The following ADCY2 variants were observed in gnomAD, a reference collection of about 807,000 sequenced individuals.
ADCY2 encodes the protein adenylate cyclase type 2.
In ADCY2, 31 loss-of-function variants were observed where a neutral mutation model predicts 125.2. That is an observed-to-expected ratio of 0.25 (90% confidence interval 0.19 to 0.33). The LOEUF (loss-of-function observed/expected upper bound fraction) is 0.33, where lower values mean the gene tolerates loss of function less well. ADCY2 is among the 10% of genes least tolerant of loss of function. The probability of loss-of-function intolerance (pLI) is 1.00; values close to 1 mark genes in which losing one functional copy is unlikely to be tolerated. For missense variants in ADCY2, 904 were observed against 1,418.2 expected (o/e 0.64, Z 5.82); for synonymous variants, 512 against 548.4 (o/e 0.93, Z 0.93).
chr5:7,790,719 T>C (rs1233555275), intron 20 of ADCY2, among the ~76,000 whole-genome samples: 1 of 152,186 alleles, frequency 6.6e-6, no homozygotes, highest in African/African-American at 2.4e-5. Flanking sequence ...ACACTAGGAT[T>C]CCTGGCCTGT....
chr5:7,435,934 T>C (rs1403913827), intron 2 of ADCY2, among the ~76,000 whole-genome samples: 1 of 152,182 alleles, frequency 6.6e-6, no homozygotes, highest in Non-Finnish European at 1.5e-5. Flanking sequence ...TTAGAAGCCT[T>C]CAGAAACCTC....
chr5:7,634,045 C>T (rs1738409541), intron 4 of ADCY2, among the ~76,000 whole-genome samples: 1 of 152,198 alleles, frequency 6.6e-6, no homozygotes, highest in Non-Finnish European at 1.5e-5. Flanking sequence ...AAACAAAACT[C>T]AAGTCTTCTG....
At chr5:7,431,269 A>G (rs1450952756) in intron 2 of ADCY2, among the ~76,000 whole-genome samples, 1 of 152,238 alleles carries the variant, frequency 6.6e-6, no homozygotes, top group African/African-American at 2.4e-5. Context: ...ATTTTTGACA[A>G]TGTTCTAAGC....
intron 2 of ADCY2, among the ~76,000 whole-genome samples, chr5:7,440,743 A>C (rs1479949586): frequency 2.0e-5 from 3 of 152,234 alleles, no homozygotes; most frequent in Admixed American, 1.3e-4. Flanking sequence ...ATGATTTTCA[A>C]AATGTCAAAA....
intron 4 of ADCY2, among the ~76,000 whole-genome samples, chr5:7,636,160 C>G (rs1165039502): frequency 6.6e-6 from 1 of 152,146 alleles, no homozygotes; most frequent in East Asian, 1.9e-4. Flanking sequence ...TCATCAGAAC[C>G]CATGAAATAA....
intron 2 of ADCY2, among the ~76,000 whole-genome samples, chr5:7,420,308 A>G (rs1740144618): frequency 6.6e-6 from 1 of 152,126 alleles, no homozygotes; most frequent in East Asian, 1.9e-4. Context: ...AACTGTATGA[A>G]GTTGCCACGG....
At chr5:7,664,538 A>G (rs961427469) in intron 4 of ADCY2, among the ~76,000 whole-genome samples, 4 of 152,206 alleles carry the variant, frequency 2.6e-5, no homozygotes, top group Non-Finnish European at 2.9e-5. Flanking sequence ...CATGCCCTAC[A>G]AACCATACAT....
chr5:7,498,132 A>G (rs1743404708), intron 2 of ADCY2, among the ~76,000 whole-genome samples: 1 of 152,114 alleles, frequency 6.6e-6, no homozygotes, highest in African/African-American at 2.4e-5. Flanking sequence ...GTGGGAGAAC[A>G]GTATATGTAA....
At chr5:7,457,145 G>A (rs934100285) in intron 2 of ADCY2, among the ~76,000 whole-genome samples, 4 of 152,174 alleles carry the variant, frequency 2.6e-5, no homozygotes, top group Non-Finnish European at 4.4e-5. Context: ...ATTTTTTACA[G>A]AATGTCCCTA....
intron 3 of ADCY2, among the ~76,000 whole-genome samples, chr5:7,538,669 C>G (rs989621713): frequency 1.1e-4 from 17 of 152,022 alleles, no homozygotes; most frequent in African/African-American, 4.1e-4. Context: ...TTTTCTAGAA[C>G]AGCTAATTGA....
At chr5:7,820,997 G>A (rs78216885) in intron 24 of ADCY2, among the ~76,000 whole-genome samples, 1 of 152,132 alleles carries the variant, frequency 6.6e-6, no homozygotes, top group Admixed American at 6.5e-5. Context: ...TACTTCTCCT[G>A]GTGCTAATAC....
intron 4 of ADCY2, among the ~76,000 whole-genome samples, chr5:7,652,393 C>A (rs973167808): frequency 6.6e-6 from 1 of 152,172 alleles, no homozygotes; most frequent in African/African-American, 2.4e-5. Flanking sequence ...AACAAAAACT[C>A]AGTTTTCAAG....
intron 22 of ADCY2, among the ~76,000 whole-genome samples, chr5:7,816,426 T>A (rs992906579): frequency 6.6e-6 from 1 of 152,302 alleles, no homozygotes; most frequent in African/African-American, 2.4e-5. Flanking sequence ...CAATCGCCAC[T>A]GGCAGCCCAA....
intron 3 of ADCY2, among the ~76,000 whole-genome samples, chr5:7,590,825 T>C (rs1405354479): frequency 6.6e-6 from 1 of 152,168 alleles, no homozygotes; most frequent in Non-Finnish European, 1.5e-5. Flanking sequence ...TTCTAGGCAT[T>C]TAAAAAGTTT....
intron 2 of ADCY2, among the ~76,000 whole-genome samples, chr5:7,513,073 T>C (rs982345548): frequency 6.8e-5 from 5 of 73,130 alleles, no homozygotes; most frequent in Non-Finnish European, 1.6e-4. Context: ...ATGTGGAAAA[T>C]ACATGACACA....
At chr5:7,776,306 G>A (rs557309040) in intron 18 of ADCY2, among the ~76,000 whole-genome samples, 6 of 151,850 alleles carry the variant, frequency 4.0e-5, no homozygotes, top group South Asian at 2.1e-4. Context: ...CAGGACGGCC[G>A]GGCAGCACTG....
chr5:7,825,374 C>T (rs929887312), intron 24 of ADCY2, among the ~76,000 whole-genome samples: 1 of 152,074 alleles, frequency 6.6e-6, no homozygotes, highest in Non-Finnish European at 1.5e-5. Context: ...GCCGTAACAA[C>T]GCTGCTGGGT....
intron 2 of ADCY2, among the ~76,000 whole-genome samples, chr5:7,443,708 T>C (rs1240456375): frequency 7.4e-6 from 1 of 136,044 alleles, no homozygotes; most frequent in African/African-American, 2.8e-5. Flanking sequence ...TTATATATAA[T>C]ATACATTTTT....
At chr5:7,644,937 G>A (rs1313215063) in intron 4 of ADCY2, among the ~76,000 whole-genome samples, 1 of 152,140 alleles carries the variant, frequency 6.6e-6, no homozygotes, top group Non-Finnish European at 1.5e-5. Context: ...TAACACCCTA[G>A]TTAATAATGC....
Sources: allele counts gnomAD v4.1 joint callset (sites outside exome capture counted in the v4.1 genomes callset), GRCh38; gene constraint gnomAD v4.1.1; transcripts MANE v1.5; gene names NCBI Gene and HGNC (gene_info 2026-07-23, HGNC 2026-07-21).